The following SUCLG2 variants were observed in gnomAD, a reference collection of about 807,000 sequenced individuals.
The protein encoded by SUCLG2 is succinate--CoA ligase [GDP-forming] subunit beta, mitochondrial.
In SUCLG2, 42 loss-of-function variants were observed where a neutral mutation model predicts 47.9. The observed-to-expected ratio is 0.88, with a 90% CI of 0.69 to 1.14. SUCLG2 has a LOEUF of 1.14. Ranked by LOEUF, SUCLG2 falls within the 50% of genes most tolerant of loss-of-function variation. The pLI is 0.00. For synonymous variants in SUCLG2, 195 were observed against 197.3 expected, an observed-to-expected ratio of 0.99 and a Z score of 0.10; for missense variants, 571 against 525.9, an observed-to-expected ratio of 1.09 and a Z score of -0.84.
chr3:67,525,886 T>TTTGGATATG (rs1361554524), intron 4 of SUCLG2, among the ~76,000 whole-genome samples: 2 of 152,136 alleles, frequency 1.3e-5, no homozygotes, highest in African/African-American at 2.4e-5. Flanking sequence ...AAAGCACATA[T>TTTGGATATG]CCAACAGTGG....
intron 9 of SUCLG2, among the ~76,000 whole-genome samples, chr3:67,438,504 TAAAGA>T (rs1389125040): frequency 2.0e-5 from 3 of 150,226 alleles, no homozygotes; most frequent in Non-Finnish European, 1.5e-5. Context: ...GCCAGACTAA[TAAAGA>T]AGAGAGAAGA....
At chr3:67,622,767 T>C (rs1700757177) in intron 1 of SUCLG2, among the ~76,000 whole-genome samples, 1 of 152,180 alleles carries the variant, frequency 6.6e-6, no homozygotes. Flanking sequence ...AACCTGAGAT[T>C]ATGACAGGCC....
At chr3:67,592,743 A>AAAAAAAAAAAAAAAAAAAAC (rs1559587055) in intron 2 of SUCLG2, among the ~76,000 whole-genome samples, 3 of 148,592 alleles carry the variant, frequency 2.0e-5, no homozygotes, top group African/African-American at 7.7e-5. Context: ...AAAACAACAA[A>AAAAAAAAAAAAAAAAAAAAC]AAAAAACTGA....
At chr3:67,448,035 ATC>A (rs1438900260) in intron 9 of SUCLG2, among the ~76,000 whole-genome samples, 1 of 152,174 alleles carries the variant, frequency 6.6e-6, no homozygotes, top group East Asian at 1.9e-4. Flanking sequence ...GGCTGAGAAA[ATC>A]TGTTTCAAAA....
intron 2 of SUCLG2, among the ~76,000 whole-genome samples, chr3:67,551,795 A>T (rs115956033): frequency 1.3e-5 from 2 of 152,154 alleles, no homozygotes; most frequent in East Asian, 1.9e-4. Context: ...ACCAGGAGCT[A>T]TTCAAAGGAC....
chr3:67,462,647 A>C (rs1704366449), intron 9 of SUCLG2, among the ~76,000 whole-genome samples: 1 of 152,136 alleles, frequency 6.6e-6, no homozygotes, highest in African/African-American at 2.4e-5. Context: ...TTTATAATAA[A>C]CCAGTAAGCA....
intron 9 of SUCLG2, among the ~76,000 whole-genome samples, chr3:67,432,905 T>C (rs980055571): frequency 3.3e-5 from 5 of 152,236 alleles, no homozygotes; most frequent in African/African-American, 1.2e-4. Flanking sequence ...AGTCAGAATT[T>C]TAAAACGAAG....
intron 10 of SUCLG2, among the ~76,000 whole-genome samples, chr3:67,383,573 G>A (rs1205081286): frequency 2.6e-5 from 4 of 152,060 alleles, no homozygotes; most frequent in Non-Finnish European, 2.9e-5. Flanking sequence ...ATAGTTATTC[G>A]GACCATCACA....
intron 9 of SUCLG2, among the ~76,000 whole-genome samples, chr3:67,474,470 C>T (rs141030656): frequency 3.9e-5 from 6 of 152,248 alleles, no homozygotes; most frequent in Admixed American, 1.3e-4. Flanking sequence ...TGAGACAAGA[C>T]GTGATTTGAT....
At chr3:67,564,824 T>C (rs1306815450) in intron 2 of SUCLG2, among the ~76,000 whole-genome samples, 1 of 152,238 alleles carries the variant, frequency 6.6e-6, no homozygotes, top group Non-Finnish European at 1.5e-5. Flanking sequence ...GAGTCAGAGC[T>C]TGAAATCCAG....
chr3:67,363,824 C>A (rs574523656), intron 10 of SUCLG2, among the ~76,000 whole-genome samples: 1 of 140,870 alleles, frequency 7.1e-6, no homozygotes, highest in African/African-American at 2.6e-5. Context: ...GAGCTCTGTA[C>A]AAAAGTAAAT....
chr3:67,406,550 G>A (rs996274370), intron 9 of SUCLG2, among the ~76,000 whole-genome samples: 10 of 152,046 alleles, frequency 6.6e-5, no homozygotes, highest in Non-Finnish European at 1.5e-4. Flanking sequence ...ATTAAGAGAG[G>A]GAGAAAAGTA....
At chr3:67,461,199 T>C (rs1704323654) in intron 9 of SUCLG2, among the ~76,000 whole-genome samples, 3 of 152,168 alleles carry the variant, frequency 2.0e-5, no homozygotes, top group Admixed American at 6.5e-5. Flanking sequence ...AAAACTGAAA[T>C]ACGACCATTA....
chr3:67,536,485 A>G (rs1412899375), intron 2 of SUCLG2, among the ~76,000 whole-genome samples: 1 of 152,168 alleles, frequency 6.6e-6, no homozygotes, highest in Non-Finnish European at 1.5e-5. Flanking sequence ...CACTGCCATC[A>G]TTCACTGCCT....
Position 67,496,187 on chromosome 3 carries a change from A to C in SUCLG2, c.920-247T>G, listed in dbSNP as rs562789275. On this transcript the variant is annotated intron_variant, in intron 8 of 10. Coordinates refer to ENST00000307227, the MANE Select transcript of SUCLG2 (RefSeq NM_003848.4). The stretch of plus-strand genomic sequence containing the variant: ...AGGAACAGGATGTATTGGGAAGTTA[A>C]ATCAATCTGAAAAACAGAAAGAAGG... Among the ~76,000 whole-genome samples, 4 of 152,342 alleles carry C rather than the reference A, an allele frequency of 2.6e-5. No homozygotes were observed. The South Asian group carries it at 8.3e-4, about 32-fold the overall frequency.
chr3:67,390,029 T>C (rs1049511770), intron 10 of SUCLG2, among the ~76,000 whole-genome samples: 1 of 152,228 alleles, frequency 6.6e-6, no homozygotes, highest in Non-Finnish European at 1.5e-5. Context: ...GAGACTGGAT[T>C]ACAATGGTAC....
intron 2 of SUCLG2, among the ~76,000 whole-genome samples, chr3:67,585,469 G>A (rs889297662): frequency 5.9e-5 from 9 of 152,126 alleles, no homozygotes; most frequent in Non-Finnish European, 1.5e-5. Flanking sequence ...TGTAAATACT[G>A]GTACAAGTTA....
intron 9 of SUCLG2, 149 bp from the exon 10 acceptor site, chr3:67,401,000 G>A: frequency 8.8e-7 from 1 of 1,137,802 alleles, no homozygotes; most frequent in Non-Finnish European, 1.2e-6. Flanking sequence ...AAATGGCCCA[G>A]AACATGTTAA....
chr3:67,474,871 T>C (rs182824759), intron 9 of SUCLG2, among the ~76,000 whole-genome samples: 1 of 152,290 alleles, frequency 6.6e-6, no homozygotes, highest in African/African-American at 2.4e-5. Context: ...CATCTCTTTC[T>C]AGCTCTGGAG....
Sources: gnomAD v4.1 joint callset for allele counts (sites outside exome capture counted in the v4.1 genomes callset) on GRCh38, gnomAD v4.1.1 for gene constraint, MANE v1.5 for transcripts, NCBI Gene and HGNC (gene_info 2026-07-23, HGNC 2026-07-21) for gene names.